Variants in NAALADL2 observed in about 807,000 individuals in gnomAD.
NAALADL2 encodes inactive N-acetylated-alpha-linked acidic dipeptidase-like protein 2.
In NAALADL2, 76 loss-of-function variants were observed where a neutral mutation model predicts 87.2. That is an observed-to-expected ratio of 0.87 (90% CI 0.72 to 1.05). NAALADL2 has a LOEUF of 1.05. NAALADL2 is among the 50% of genes least tolerant of loss of function. The pLI is 0.00. For synonymous variants in NAALADL2, 354 were observed against 331.0 expected (o/e 1.07, Z -0.75); for missense variants, 1,089 against 945.8 (o/e 1.15, Z -1.99).
chr3:174,836,260 C>G (rs1271845993), intron 3 of NAALADL2, among the ~76,000 whole-genome samples: 1 of 152,030 alleles, frequency 6.6e-6, no homozygotes, highest in Non-Finnish European at 1.5e-5. Context: ...TATGATTCCA[C>G]TTACATAGGT....
chr3:175,730,992 A>G (rs555547380), intron 11 of NAALADL2, among the ~76,000 whole-genome samples: 37 of 152,348 alleles, frequency 2.4e-4, no homozygotes, highest in Non-Finnish European at 4.7e-4. Flanking sequence ...TAGTATTACA[A>G]GAAACATAGG....
intron 1 of NAALADL2, among the ~76,000 whole-genome samples, chr3:174,892,820 G>T (rs1185666125): frequency 6.6e-6 from 1 of 151,374 alleles, no homozygotes; most frequent in East Asian, 2.0e-4. Context: ...TACTCGGGAG[G>T]CTGAGGTGTG....
At chr3:174,680,362 T>C (rs1475508664) in intron 2 of NAALADL2, among the ~76,000 whole-genome samples, 6 of 152,226 alleles carry the variant, frequency 3.9e-5, no homozygotes, top group Admixed American at 3.9e-4. Context: ...TGACTACTGC[T>C]TTTGACAGTC....
At chr3:175,218,147 C>A (rs1443471670) in intron 2 of NAALADL2, 3 of 438,538 alleles carry the variant, frequency 6.8e-6, no homozygotes, top group Non-Finnish European at 1.4e-5. Context: ...TATTTATAAG[C>A]CAATATCTCT....
intron 1 of NAALADL2, among the ~76,000 whole-genome samples, chr3:174,980,778 C>T (rs945860320): frequency 2.0e-5 from 3 of 151,696 alleles, no homozygotes; most frequent in South Asian, 2.1e-4. Context: ...TATACTTGTT[C>T]GATATGCTAT....
intron 1 of NAALADL2, among the ~76,000 whole-genome samples, chr3:174,863,477 G>A (rs953901602): frequency 5.9e-5 from 9 of 151,614 alleles, no homozygotes; most frequent in African/African-American, 1.5e-4. Flanking sequence ...TTACAGCTAG[G>A]AGAAGTTGGC....
chr3:175,243,378 T>C (rs558973340), intron 3 of NAALADL2, among the ~76,000 whole-genome samples: 115 of 151,408 alleles, frequency 7.6e-4, no homozygotes, highest in South Asian at 4.2e-3. Context: ...ACAAACCAGT[T>C]TATTTCAGCT....
At chr3:174,555,927 C>T (rs939287042) in intron 2 of NAALADL2, among the ~76,000 whole-genome samples, 4 of 151,392 alleles carry the variant, frequency 2.6e-5, no homozygotes, top group East Asian at 1.9e-4. Context: ...ACCACCCCAT[C>T]GATGTTATTT....
At chr3:174,635,885 T>C (rs1722596659) in intron 2 of NAALADL2, among the ~76,000 whole-genome samples, 1 of 152,224 alleles carries the variant, frequency 6.6e-6, no homozygotes. Context: ...ATGACATTTT[T>C]ATATGTGATG....
intron 3 of NAALADL2, among the ~76,000 whole-genome samples, chr3:174,751,219 A>G (rs1306710365): frequency 6.6e-6 from 1 of 152,134 alleles, no homozygotes; most frequent in African/African-American, 2.4e-5. Flanking sequence ...ATATTATATC[A>G]TATGAAGGAA....
At chr3:175,294,856 T>C (rs892663384) in intron 4 of NAALADL2, among the ~76,000 whole-genome samples, 1 of 152,188 alleles carries the variant, frequency 6.6e-6, no homozygotes, top group Non-Finnish European at 1.5e-5. Context: ...TTAGGATCAG[T>C]AGAGGATCTG....
At chr3:175,073,622 T>C (rs1295691313) in intron 1 of NAALADL2, among the ~76,000 whole-genome samples, 1 of 152,066 alleles carries the variant, frequency 6.6e-6, no homozygotes, top group Admixed American at 6.6e-5. Flanking sequence ...TTTCATTTAT[T>C]CTGAAGTATT....
intron 2 of NAALADL2, among the ~76,000 whole-genome samples, chr3:174,703,496 A>G (rs1729756736): frequency 6.6e-6 from 1 of 152,192 alleles, no homozygotes; most frequent in Non-Finnish European, 1.5e-5. Context: ...TTTAGGATAC[A>G]TAGTGTTATC....
At chr3:174,849,292 T>C (rs1724976704) in intron 3 of NAALADL2, among the ~76,000 whole-genome samples, 1 of 152,356 alleles carries the variant, frequency 6.6e-6, no homozygotes, top group Admixed American at 6.5e-5. Context: ...CTTTTTATTA[T>C]TTTCTTATTG....
rs78909167 is a variant in NAALADL2, at chr3:175,097,945, C to T, written c.545+654C>T. Among the ~76,000 whole-genome samples the T allele has an allele frequency of 4.2e-3, 636 of 152,194 alleles. 5 individuals are homozygous for T. Among genetic ancestry groups the T allele is most frequent in the African/African-American group, 0.015 (609 of 41,514 alleles). On this transcript the variant is annotated intron_variant, in intron 2 of 13. Transcript: ENST00000454872. ...GAGAGAGTAGTGAGGTACTGCTTCTCCAGAATATTCTTTCTGGGTTACATT... is the reference window on the plus strand; with the variant it reads ...GAGAGAGTAGTGAGGTACTGCTTCTTCAGAATATTCTTTCTGGGTTACATT...
chr3:175,053,107 T>C (rs1410935445), intron 1 of NAALADL2, among the ~76,000 whole-genome samples: 1 of 152,222 alleles, frequency 6.6e-6, no homozygotes, highest in Admixed American at 6.5e-5. Context: ...TACAAATAGG[T>C]TTTTGAGGGC....
intron 2 of NAALADL2, among the ~76,000 whole-genome samples, chr3:174,706,984 C>T (rs996236598): frequency 3.9e-5 from 6 of 151,992 alleles, no homozygotes; most frequent in South Asian, 2.1e-4. Flanking sequence ...AGTGGGTGAA[C>T]GATATGAACA....
intron 9 of NAALADL2, among the ~76,000 whole-genome samples, chr3:175,485,506 A>G (rs1727126363): frequency 6.6e-6 from 1 of 152,170 alleles, no homozygotes; most frequent in African/African-American, 2.4e-5. Flanking sequence ...CTAACCATGC[A>G]GCCTTCAGTC....
intron 1 of NAALADL2, among the ~76,000 whole-genome samples, chr3:174,960,869 G>T (rs1333355098): frequency 6.6e-6 from 1 of 151,398 alleles, no homozygotes; most frequent in East Asian, 1.9e-4. Flanking sequence ...ATGCATTTTA[G>T]TATACAAACA....
Sources: gnomAD v4.1 joint callset for allele counts (sites outside exome capture counted in the v4.1 genomes callset) on GRCh38, gnomAD v4.1.1 for gene constraint, MANE v1.5 for transcripts, NCBI Gene and HGNC (gene_info 2026-07-23, HGNC 2026-07-21) for gene names.